Variants in SOBP observed in about 807,000 individuals in gnomAD.
SOBP encodes the protein sine oculis binding protein homolog, also known as sine oculis-binding protein homolog.
In SOBP, 4 loss-of-function variants were observed where a neutral mutation model predicts 53.6. The observed-to-expected ratio is 0.07, with a 90% CI of 0.04 to 0.17. SOBP has a LOEUF of 0.17. Ranked by LOEUF, SOBP falls within the 10% of genes least tolerant of loss-of-function variation. The pLI, the probability that SOBP is intolerant of heterozygous loss-of-function variation, is 1.00. For missense variants in SOBP, 1,088 were observed against 1,204.7 expected (o/e 0.90, Z 1.43); for synonymous variants, 584 against 522.6 (o/e 1.12, Z -1.60).
chr6:107,606,533 G>C (rs1249565353), intron 5 of SOBP, among the ~76,000 whole-genome samples: 1 of 152,194 alleles, frequency 6.6e-6, no homozygotes, highest in African/African-American at 2.4e-5. Context: ...ACTGCTTCTA[G>C]ATATTTGATG....
intron 5 of SOBP, among the ~76,000 whole-genome samples, chr6:107,619,742 T>C (rs771557398): frequency 3.9e-5 from 6 of 152,036 alleles, no homozygotes; most frequent in Non-Finnish European, 4.4e-5. Context: ...GTGTAAACTT[T>C]ATGCTTTTGC....
intron 4 of SOBP, among the ~76,000 whole-genome samples, chr6:107,536,737 C>T (rs1247702294): frequency 6.6e-6 from 1 of 152,142 alleles, no homozygotes; most frequent in Non-Finnish European, 1.5e-5. Flanking sequence ...CAAAATACTT[C>T]TACTCAACAC....
chr6:107,567,593 T>C (rs1784955433), intron 4 of SOBP, among the ~76,000 whole-genome samples: 1 of 152,228 alleles, frequency 6.6e-6, no homozygotes, highest in Non-Finnish European at 1.5e-5. Flanking sequence ...CTGGAAGAAG[T>C]TCCTCTAGAA....
Position 107,520,838 on chromosome 6 carries a change from C to G in SOBP, c.422-12621C>G, listed in dbSNP as rs536177761. The stretch of plus-strand genomic sequence containing the variant: ...TGGGGCTTTTCACTAGTGTTTCCCT[C>G]TAAGGCAACTTTGTTCTCAAAGGCA... On this transcript the variant is annotated intron_variant, in intron 3 of 6. Coordinates refer to ENST00000317357, the MANE Select transcript of SOBP (RefSeq NM_018013.4). 2.6e-5 allele frequency among the ~76,000 whole-genome samples: 4 copies of G among 152,270 alleles called. No individual in the cohort carries two copies. In the South Asian group the frequency reaches 8.3e-4, roughly 32 times the overall value.
Position 107,643,581 on chromosome 6 carries a change from T to C in SOBP, c.*3+8112T>C, listed in dbSNP as rs532364659. Among the ~76,000 whole-genome samples the C allele has an allele frequency of 1.2e-4, 18 of 152,158 alleles. No homozygotes were observed. The East Asian group carries it at 3.1e-3, about 26-fold the overall frequency. On this transcript the variant is annotated intron_variant, in intron 6 of 6. Transcript: ENST00000317357. The stretch of plus-strand genomic sequence containing the variant: ...ACAGGCGCGCACCACCATGTCCAGC[T>C]AATTTTTTTTTGTATTTTTAGTAGA...
intron 3 of SOBP, among the ~76,000 whole-genome samples, chr6:107,519,567 C>T (rs951866184): frequency 1.3e-5 from 2 of 152,186 alleles, no homozygotes; most frequent in African/African-American, 4.8e-5. Context: ...TCTGACATAG[C>T]AGCATGGGCA....
chr6:107,646,387 C>G (rs1164798322), intron 6 of SOBP, among the ~76,000 whole-genome samples: 2 of 152,204 alleles, frequency 1.3e-5, no homozygotes, highest in Non-Finnish European at 2.9e-5. Context: ...CAGATGGCCA[C>G]AGAAACAGAG....
At chr6:107,545,069 C>A (rs1056475558) in intron 4 of SOBP, among the ~76,000 whole-genome samples, 5 of 152,030 alleles carry the variant, frequency 3.3e-5, no homozygotes, top group Non-Finnish European at 7.4e-5. Flanking sequence ...AGAAAAGCAA[C>A]AATGACAGCA....
At chr6:107,497,640 C>A (rs1479089881) in intron 1 of SOBP, among the ~76,000 whole-genome samples, 1 of 151,982 alleles carries the variant, frequency 6.6e-6, no homozygotes, top group Non-Finnish European at 1.5e-5. Flanking sequence ...ACTATACTAA[C>A]CTTCCTTTTA....
intron 6 of SOBP, among the ~76,000 whole-genome samples, chr6:107,637,972 G>A (rs1351970082): frequency 6.6e-6 from 1 of 152,100 alleles, no homozygotes; most frequent in African/African-American, 2.4e-5. Flanking sequence ...TCAATGATGG[G>A]TCCCCCAAGA....
chr6:107,625,118 A>C (rs1770399227), intron 5 of SOBP, among the ~76,000 whole-genome samples: 1 of 152,216 alleles, frequency 6.6e-6, no homozygotes, highest in Admixed American at 6.5e-5. Flanking sequence ...AAATTCATGT[A>C]GCATGCTCAG....
rs186472576 is a variant in SOBP, at chr6:107,520,184, T to C, written c.422-13275T>C. On this transcript the variant is annotated intron_variant, in intron 3 of 6. Coordinates refer to ENST00000317357, the MANE Select transcript of SOBP (RefSeq NM_018013.4). ...AGGGGTAAGGAAAAACAGTGGTGGCTACACAGAAGGAGGAGAAACAAAGAA... is the reference window on the plus strand; with the variant it reads ...AGGGGTAAGGAAAAACAGTGGTGGCCACACAGAAGGAGGAGAAACAAAGAA... Among the ~76,000 whole-genome samples the C allele has an allele frequency of 5.3e-5, 8 of 152,250 alleles. No homozygotes were observed. The East Asian group carries it at 1.4e-3, about 26-fold the overall frequency.
In SOBP at chr6:107,660,786, G is replaced by C. The variant is rs905012641; in HGVS notation, c.*2583G>C. 6.6e-6 allele frequency among the ~76,000 whole-genome samples: 1 copy of C among 152,172 alleles called. No homozygotes were observed. The highest frequency in any genetic ancestry group is 2.4e-5 in the African/African-American group (1 of 41,426). ...AGAAAAGCAACTCGACCTGTTCAGA[G>C]TCTCGCACTTAGTTGATTTAGCTTC... On this transcript the variant is annotated 3_prime_UTR_variant, in exon 7 of 7. Transcript: ENST00000317357.
chr6:107,620,293 C>G (rs907435718), intron 5 of SOBP, among the ~76,000 whole-genome samples: 3 of 152,224 alleles, frequency 2.0e-5, no homozygotes, highest in African/African-American at 7.2e-5. Context: ...TAATTTGTGA[C>G]CTATGCTTCC....
intron 3 of SOBP, among the ~76,000 whole-genome samples, chr6:107,508,088 T>C (rs1328592831): frequency 6.6e-6 from 1 of 152,248 alleles, no homozygotes; most frequent in African/African-American, 2.4e-5. Flanking sequence ...GCAGTACTTA[T>C]TATAACATAC....
At chr6:107,617,360 G>A (rs1025357623) in intron 5 of SOBP, among the ~76,000 whole-genome samples, 3 of 152,164 alleles carry the variant, frequency 2.0e-5, no homozygotes, top group African/African-American at 7.2e-5. Context: ...TAGTCATGAG[G>A]AATGTGTGAG....
chr6:107,653,424 G>A (rs1159717002), intron 6 of SOBP, among the ~76,000 whole-genome samples: 1 of 152,236 alleles, frequency 6.6e-6, no homozygotes, highest in Non-Finnish European at 1.5e-5. Flanking sequence ...GCACGTAATG[G>A]CTGTATTTAA....
At chr6:107,655,185 T>A (rs981418188) in intron 6 of SOBP, among the ~76,000 whole-genome samples, 18 of 152,140 alleles carry the variant, frequency 1.2e-4, no homozygotes, top group African/African-American at 4.3e-4. Context: ...CTCCAGACTC[T>A]GGAACTTCCT....
chr6:107,578,445 C>A (rs999674142), intron 4 of SOBP, among the ~76,000 whole-genome samples: 5 of 152,184 alleles, frequency 3.3e-5, no homozygotes, highest in African/African-American at 1.2e-4. Context: ...GGGAGATCAT[C>A]AGTGTGTGGC....
Sources: gnomAD v4.1 joint callset for allele counts (sites outside exome capture counted in the v4.1 genomes callset) on GRCh38, gnomAD v4.1.1 for gene constraint, MANE v1.5 for transcripts, NCBI Gene and HGNC (gene_info 2026-07-23, HGNC 2026-07-21) for gene names.